Variants in KCNMB2 observed in about 807,000 individuals in gnomAD.
KCNMB2 encodes calcium-activated potassium channel subunit beta-2.
In KCNMB2, 9 loss-of-function variants were observed where a neutral mutation model predicts 24.5. That is an observed-to-expected ratio of 0.37 (90% CI 0.22 to 0.64). The LOEUF (loss-of-function observed/expected upper bound fraction) is 0.64, where lower values mean the gene tolerates loss of function less well. Ranked by LOEUF, KCNMB2 falls within the 30% of genes least tolerant of loss-of-function variation. The pLI, the probability that KCNMB2 is intolerant of heterozygous loss-of-function variation, is 0.63. For missense variants in KCNMB2, 226 were observed against 284.3 expected, an observed-to-expected ratio of 0.79 and a Z score of 1.47; for synonymous variants, 109 against 104.4, an observed-to-expected ratio of 1.04 and a Z score of -0.27.
At chr3:178,609,010 G>C (rs553221654) in intron 1 of KCNMB2, among the ~76,000 whole-genome samples, 5 of 152,292 alleles carry the variant, frequency 3.3e-5, no homozygotes, top group African/African-American at 1.2e-4. Flanking sequence ...ATGCCCAGCA[G>C]TGGGATTGCT....
At chr3:178,608,400 T>C (rs1233286651) in intron 1 of KCNMB2, among the ~76,000 whole-genome samples, 2 of 152,196 alleles carry the variant, frequency 1.3e-5, no homozygotes, top group African/African-American at 2.4e-5. Context: ...TTTTTAATTT[T>C]TGTGGGTACA....
intron 1 of KCNMB2, among the ~76,000 whole-genome samples, chr3:178,616,172 A>C (rs1011098772): frequency 2.6e-5 from 4 of 152,150 alleles, no homozygotes; most frequent in African/African-American, 7.2e-5. Flanking sequence ...TGGCAGCCCC[A>C]GCTGATGTCT....
chr3:178,620,137 C>T (rs79410972), intron 1 of KCNMB2, among the ~76,000 whole-genome samples: 11,693 of 152,050 alleles, frequency 0.077, 542 homozygotes, highest in Middle Eastern at 0.21. Flanking sequence ...TGATATGTTC[C>T]TATGCTTGAA....
intron 1 of KCNMB2, among the ~76,000 whole-genome samples, chr3:178,687,300 TG>T (rs1721504219): frequency 1.3e-5 from 2 of 152,142 alleles, no homozygotes; most frequent in African/African-American, 4.8e-5. Context: ...TCAGACTTTT[TG>T]GTTCCTATCC....
intron 1 of KCNMB2, among the ~76,000 whole-genome samples, chr3:178,746,631 C>G (rs886124905): frequency 6.6e-6 from 1 of 152,130 alleles, no homozygotes; most frequent in Non-Finnish European, 1.5e-5. Flanking sequence ...ATGCTCTGCT[C>G]CCTTTAAAAA....
chr3:178,718,480 A>G (rs553335676), intron 1 of KCNMB2, among the ~76,000 whole-genome samples: 1 of 152,304 alleles, frequency 6.6e-6, no homozygotes, highest in African/African-American at 2.4e-5. Context: ...GATCAAAATC[A>G]TTTCCTTCGT....
chr3:178,678,554 G>T (rs1407519977), intron 1 of KCNMB2, among the ~76,000 whole-genome samples: 1 of 152,198 alleles, frequency 6.6e-6, no homozygotes, highest in African/African-American at 2.4e-5. Context: ...TCAAACTGGA[G>T]TTGCCTTGGA....
intron 1 of KCNMB2, among the ~76,000 whole-genome samples, chr3:178,604,111 C>T (rs529127492): frequency 1.7e-4 from 26 of 152,248 alleles, no homozygotes; most frequent in Middle Eastern, 3.4e-3. Context: ...AGTGTGTCCT[C>T]ATTCCCTGCC....
At chr3:178,783,847 G>C (rs569096755) in intron 1 of KCNMB2, among the ~76,000 whole-genome samples, 2,978 of 152,242 alleles carry the variant, frequency 0.02, 103 homozygotes, top group African/African-American at 0.068. Flanking sequence ...GGAGTGGTGA[G>C]AGAGGGCATC....
chr3:178,811,733 G>T (rs1714201409), intron 2 of KCNMB2, among the ~76,000 whole-genome samples: 1 of 152,126 alleles, frequency 6.6e-6, no homozygotes. Context: ...CCTAACATGG[G>T]AATGGTTGGT....
chr3:178,585,563 C>A (rs899080214), intron 1 of KCNMB2, among the ~76,000 whole-genome samples: 1 of 152,122 alleles, frequency 6.6e-6, no homozygotes, highest in Non-Finnish European at 1.5e-5. Context: ...GAAACAGATT[C>A]CATGATCAGC....
rs6807786 is a variant in KCNMB2 at position 178,623,782 on chromosome 3, T to C, written c.-68+87071T>C. Among the ~76,000 whole-genome samples, 1,469 of 152,300 alleles carry C rather than the reference T, an allele frequency of 9.6e-3. 21 individuals carry two copies. Among genetic ancestry groups the C allele is most frequent in the African/African-American group, 0.034 (1,411 of 41,558 alleles). On this transcript the variant is annotated intron_variant, in intron 1 of 4. Transcript: ENST00000452583. Reference sequence around the variant, plus strand: ...TGCCCTGTAGATATCTACAAATCCATACTGGTGGACCGTATTCAAGGCCTC... The same window carrying C: ...TGCCCTGTAGATATCTACAAATCCACACTGGTGGACCGTATTCAAGGCCTC...
intron 1 of KCNMB2, among the ~76,000 whole-genome samples, chr3:178,725,626 T>C (rs1722942500): frequency 6.6e-6 from 1 of 152,076 alleles, no homozygotes; most frequent in Non-Finnish European, 1.5e-5. Flanking sequence ...TTATTTCAGC[T>C]TTTCAACTTG....
intron 1 of KCNMB2, chr3:178,749,221 G>A (rs759668739): frequency 2.0e-5 from 3 of 152,160 alleles, no homozygotes; most frequent in African/African-American, 7.2e-5. Flanking sequence ...TATGAAGAAT[G>A]CATATATTAG....
chr3:178,594,030 G>T (rs923044861), intron 1 of KCNMB2, among the ~76,000 whole-genome samples: 1 of 151,592 alleles, frequency 6.6e-6, no homozygotes, highest in Admixed American at 6.6e-5. Context: ...CTTCTGGTAT[G>T]CCCTCTTCCC....
chr3:178,718,193 A>C (rs1482355215), intron 1 of KCNMB2, among the ~76,000 whole-genome samples: 3 of 152,188 alleles, frequency 2.0e-5, no homozygotes, highest in African/African-American at 7.2e-5. Flanking sequence ...TCAGAATAAC[A>C]CTTAACAAAT....
chr3:178,816,898 C>T (rs148868717), intron 2 of KCNMB2, among the ~76,000 whole-genome samples: 47 of 152,132 alleles, frequency 3.1e-4, no homozygotes, highest in Non-Finnish European at 2.8e-4. Context: ...CTTATCTGGA[C>T]GATTCACATA....
chr3:178,638,156 C>A (rs1453192821), intron 1 of KCNMB2, among the ~76,000 whole-genome samples: 4 of 152,154 alleles, frequency 2.6e-5, no homozygotes, highest in Non-Finnish European at 5.9e-5. Context: ...TCTTCCAGCC[C>A]ATTCTGGAAA....
chr3:178,694,604 T>C (rs561379945), intron 1 of KCNMB2, among the ~76,000 whole-genome samples: 17 of 152,186 alleles, frequency 1.1e-4, no homozygotes, highest in Non-Finnish European at 2.1e-4. Flanking sequence ...ATAGGAGAAA[T>C]TGGCCAAAAC....
Sources: gnomAD v4.1 joint callset for allele counts (sites outside exome capture counted in the v4.1 genomes callset) on GRCh38, gnomAD v4.1.1 for gene constraint, MANE v1.5 for transcripts, NCBI Gene and HGNC (gene_info 2026-07-23, HGNC 2026-07-21) for gene names.